Variants in ASIC2 observed in about 807,000 individuals in gnomAD.
ASIC2 encodes the protein acid-sensing ion channel 2.
ASIC2 carries 25 observed loss-of-function variants against 57.3 expected under a neutral mutation model. The ratio of observed to expected loss-of-function variants is 0.44; its 90% CI spans 0.32 to 0.61. The LOEUF (loss-of-function observed/expected upper bound fraction) is 0.61. ASIC2 is among the 20% of genes least tolerant of loss of function. The pLI is 0.06. For missense variants in ASIC2, 641 were observed against 738.1 expected (o/e 0.87, Z 1.52); for synonymous variants, 319 against 307.5 (o/e 1.04, Z -0.39).
chr17:33,615,101 A>T (rs1905554678), intron 1 of ASIC2, among the ~76,000 whole-genome samples: 1 of 152,210 alleles, frequency 6.6e-6, no homozygotes, highest in Admixed American at 6.5e-5. Flanking sequence ...CTTCTGTTGA[A>T]CATTTGATAT....
intron 1 of ASIC2, among the ~76,000 whole-genome samples, chr17:33,616,601 T>G (rs946467972): frequency 6.6e-6 from 1 of 152,224 alleles, no homozygotes; most frequent in African/African-American, 2.4e-5. Context: ...TCACTGTAGT[T>G]TCAGTTAATA....
chr17:33,879,960 A>G (rs1486880145), intron 1 of ASIC2, among the ~76,000 whole-genome samples: 1 of 152,162 alleles, frequency 6.6e-6, no homozygotes, highest in Non-Finnish European at 1.5e-5. Flanking sequence ...CTCACTCAAA[A>G]CTGCTCAACT....
chr17:33,544,326 T>C lies in ASIC2; in HGVS notation c.556-432259A>G, dbSNP rs563031513. Among the ~76,000 whole-genome samples the C allele has an allele frequency of 5.9e-5, 9 of 152,326 alleles. No individual in the cohort carries two copies. The East Asian group carries it at 1.5e-3, about 26-fold the overall frequency. Reference sequence around the variant, plus strand: ...TTGGATTGTTTTTAGTTTGTGGCTATTATGAATGAAGCTGCTATGAACATT... The same window carrying C: ...TTGGATTGTTTTTAGTTTGTGGCTACTATGAATGAAGCTGCTATGAACATT... On this transcript the variant is annotated intron_variant, in intron 1 of 9. Coordinates refer to the ASIC2 transcript ENST00000359872.
chr17:34,067,373 C>T (rs1159297583), intron 1 of ASIC2, among the ~76,000 whole-genome samples: 1 of 152,066 alleles, frequency 6.6e-6, no homozygotes, highest in Admixed American at 6.6e-5. Context: ...TAAAGGAAAG[C>T]AAATTTTTTT....
intron 1 of ASIC2, among the ~76,000 whole-genome samples, chr17:33,311,922 C>T (rs1035076018): frequency 2.2e-4 from 33 of 152,230 alleles, no homozygotes; most frequent in Admixed American, 2.0e-3. Flanking sequence ...GCTCCACCAT[C>T]TCCCCAGCTT....
At chr17:33,211,700 T>C (rs764528990) in intron 1 of ASIC2, among the ~76,000 whole-genome samples, 1 of 152,188 alleles carries the variant, frequency 6.6e-6, no homozygotes, top group African/African-American at 2.4e-5. Flanking sequence ...GCCTCCTCCA[T>C]TACCAGCTAA....
chr17:33,177,762 G>A lies in ASIC2; in HGVS notation c.709-65695C>T, dbSNP rs374164192. On this transcript the variant is annotated intron_variant, in intron 1 of 9. Transcript: ENST00000225823. ...GGAATCTGGTAACGGTGGAGACCCA[G>A]TCCAGGGCCTAGAATCATTCTCTTA... Among the ~76,000 whole-genome samples the A allele has an allele frequency of 1.1e-4, 17 of 152,290 alleles. No individual in the cohort carries two copies. In the East Asian group the frequency reaches 1.7e-3, roughly 16 times the overall value.
At chr17:33,845,215 G>T (rs1213841979) in intron 1 of ASIC2, among the ~76,000 whole-genome samples, 1 of 152,164 alleles carries the variant, frequency 6.6e-6, no homozygotes, top group Non-Finnish European at 1.5e-5. Context: ...TCATTTGATT[G>T]ATATCCAGTT....
intron 1 of ASIC2, among the ~76,000 whole-genome samples, chr17:33,329,608 T>C (rs1907223332): frequency 6.6e-6 from 1 of 152,234 alleles, no homozygotes; most frequent in Non-Finnish European, 1.5e-5. Context: ...AGTTATATGG[T>C]GGCATTGTGT....
intron 1 of ASIC2, among the ~76,000 whole-genome samples, chr17:33,341,179 A>G (rs779614430): frequency 3.3e-5 from 5 of 152,118 alleles, no homozygotes; most frequent in Non-Finnish European, 5.9e-5. Context: ...CGCTTGTGAA[A>G]CCTTCACATT....
chr17:33,574,957 G>C (rs1274203919), intron 1 of ASIC2, among the ~76,000 whole-genome samples: 2 of 151,772 alleles, frequency 1.3e-5, no homozygotes, highest in Non-Finnish European at 2.9e-5. Context: ...CAACCAATAA[G>C]AGTAGAAACT....
At chr17:33,860,118 T>C in intron 1 of ASIC2, among the ~76,000 whole-genome samples, 1 of 152,162 alleles carries the variant, frequency 6.6e-6, no homozygotes, top group South Asian at 2.1e-4. Context: ...AGCCATGATT[T>C]CCTCATTTTT....
chr17:33,910,239 A>G (rs7226064), intron 1 of ASIC2, among the ~76,000 whole-genome samples: 64,911 of 152,018 alleles, frequency 0.43, 14,093 homozygotes, highest in Admixed American at 0.47. Flanking sequence ...AGACATTAGA[A>G]AATAACAATA....
At chr17:33,655,519 C>T (rs1907049439) in intron 1 of ASIC2, among the ~76,000 whole-genome samples, 1 of 152,242 alleles carries the variant, frequency 6.6e-6, no homozygotes, top group Non-Finnish European at 1.5e-5. Flanking sequence ...ACTGACACTG[C>T]AATCTCTGAT....
intron 1 of ASIC2, among the ~76,000 whole-genome samples, chr17:33,880,757 T>G (rs1458337669): frequency 1.3e-5 from 2 of 152,240 alleles, no homozygotes; most frequent in African/African-American, 4.8e-5. Flanking sequence ...CTAACTCATT[T>G]TATGAGGCCA....
At chr17:33,897,335 C>T (rs1915121846) in intron 1 of ASIC2, among the ~76,000 whole-genome samples, 1 of 152,210 alleles carries the variant, frequency 6.6e-6, no homozygotes, top group Non-Finnish European at 1.5e-5. Context: ...GCCTCTCTCT[C>T]CTTCCCTCTG....
intron 1 of ASIC2, among the ~76,000 whole-genome samples, chr17:33,356,832 G>C (rs1426492093): frequency 6.6e-6 from 1 of 151,974 alleles, no homozygotes; most frequent in African/African-American, 2.4e-5. Flanking sequence ...GGGATCCAAG[G>C]GGATGCTGGG....
intron 1 of ASIC2, among the ~76,000 whole-genome samples, chr17:33,608,832 C>A (rs990659727): frequency 6.6e-6 from 1 of 152,170 alleles, no homozygotes; most frequent in Non-Finnish European, 1.5e-5. Flanking sequence ...CCTTACCTGG[C>A]TCAGCCTAAT....
At chr17:33,491,695 C>T (rs1913765635) in intron 1 of ASIC2, among the ~76,000 whole-genome samples, 1 of 152,164 alleles carries the variant, frequency 6.6e-6, no homozygotes, top group East Asian at 1.9e-4. Flanking sequence ...CGATCTCATC[C>T]CTCTTAGTGA....
Sources: gnomAD v4.1 joint callset for allele counts (sites outside exome capture counted in the v4.1 genomes callset) on GRCh38, gnomAD v4.1.1 for gene constraint, MANE v1.5 for transcripts, NCBI Gene and HGNC (gene_info 2026-07-23, HGNC 2026-07-21) for gene names.